MNAT1: variants seen among roughly 807,000 people sequenced by gnomAD.
The protein encoded by MNAT1 is MNAT1 component of CDK activating kinase, also known as CDK-activating kinase assembly factor MAT1.
MNAT1 carries 43 observed loss-of-function variants against 42.0 expected under a neutral mutation model. The observed-to-expected ratio is 1.02, with a 90% CI of 0.80 to 1.32. The LOEUF is 1.32. MNAT1 is among the 40% of genes most tolerant of loss of function. The pLI is 0.00. For missense variants in MNAT1, 306 were observed against 350.4 expected (o/e 0.87, Z 1.01); for synonymous variants, 118 against 120.0 (o/e 0.98, Z 0.11).
At chr14:60,860,994 T>C (rs2034082150) in intron 6 of MNAT1, among the ~76,000 whole-genome samples, 1 of 152,196 alleles carries the variant, frequency 6.6e-6, no homozygotes, top group African/African-American at 2.4e-5. Context: ...GCCTTAGGCA[T>C]TTAAAAAATA....
chr14:60,848,735 A>G (rs545084978), intron 6 of MNAT1, among the ~76,000 whole-genome samples: 1 of 152,172 alleles, frequency 6.6e-6, no homozygotes, highest in Non-Finnish European at 1.5e-5. Flanking sequence ...AAACACATAT[A>G]AAAATAAGGC....
At chr14:60,866,384 A>C (rs562466410) in intron 6 of MNAT1, among the ~76,000 whole-genome samples, 1 of 150,114 alleles carries the variant, frequency 6.7e-6, no homozygotes, top group Non-Finnish European at 1.5e-5. Context: ...GCTGTGTTGA[A>C]CTAAGTCAGT....
intron 6 of MNAT1, among the ~76,000 whole-genome samples, chr14:60,871,780 G>A (rs1449086870): frequency 5.3e-5 from 8 of 151,738 alleles, no homozygotes; most frequent in African/African-American, 9.7e-5. Flanking sequence ...CGGCTACCAC[G>A]CCCAGCTAAT....
At chr14:60,820,840 C>T (rs1044254252) in intron 6 of MNAT1, among the ~76,000 whole-genome samples, 2 of 152,098 alleles carry the variant, frequency 1.3e-5, no homozygotes, top group African/African-American at 4.8e-5. Flanking sequence ...TTACTATCTT[C>T]CTATGTCTTC....
chr14:60,911,797 G>T (rs1005796210), intron 7 of MNAT1, among the ~76,000 whole-genome samples: 11 of 152,236 alleles, frequency 7.2e-5, no homozygotes, highest in Admixed American at 7.2e-4. Flanking sequence ...TGTATATTCT[G>T]GTGATTTGGG....
chr14:60,771,261 A>G (rs2031043692), intron 1 of MNAT1, among the ~76,000 whole-genome samples: 1 of 152,062 alleles, frequency 6.6e-6, no homozygotes, highest in Non-Finnish European at 1.5e-5. Flanking sequence ...TCAGATGTGA[A>G]GTGGCATTTT....
chr14:60,964,793 T>C (rs1229286416), intron 7 of MNAT1, among the ~76,000 whole-genome samples: 4 of 152,204 alleles, frequency 2.6e-5, no homozygotes, highest in African/African-American at 9.6e-5. Flanking sequence ...GTAATGGTCA[T>C]GAAAGAATAA....
chr14:60,917,629 T>A (rs1594870906), intron 7 of MNAT1, among the ~76,000 whole-genome samples: 1 of 150,256 alleles, frequency 6.7e-6, no homozygotes, highest in Non-Finnish European at 1.5e-5. Context: ...TTGTTTCTTT[T>A]TTGTTTTTTT....
At chr14:60,744,346 G>C (rs573072337) in intron 1 of MNAT1, among the ~76,000 whole-genome samples, 12 of 152,114 alleles carry the variant, frequency 7.9e-5, no homozygotes, top group African/African-American at 2.9e-4. Flanking sequence ...TGGCCAGGCT[G>C]GTCCCAAGCT....
rs142636289 is a variant in MNAT1, at chr14:60,899,838, T to G, written c.809+20003T>G. ...TATCAATGCTGTTTTTCCAACAGCATGTACTCACCTCATGTCTGTTTTTCA... is the reference window on the plus strand; with the variant it reads ...TATCAATGCTGTTTTTCCAACAGCAGGTACTCACCTCATGTCTGTTTTTCA... On this transcript the variant is annotated intron_variant, in intron 7 of 7. Transcript: ENST00000261245. 4.6e-3 allele frequency among the ~76,000 whole-genome samples: 708 copies of G among 152,316 alleles called. 4 individuals are homozygous for G. Among genetic ancestry groups the G allele is most frequent in the African/African-American group, 0.016 (674 of 41,574 alleles).
intron 1 of MNAT1, among the ~76,000 whole-genome samples, chr14:60,776,028 C>T (rs956907913): frequency 1.3e-5 from 2 of 152,160 alleles, no homozygotes; most frequent in Non-Finnish European, 2.9e-5. Flanking sequence ...TTTAGCTGCT[C>T]AGATACAGTC....
rs538324895 is a variant in MNAT1, at chr14:60,860,243, A to G, written c.688-19471A>G. Among the ~76,000 whole-genome samples, 8 of 152,144 alleles carry G rather than the reference A, an allele frequency of 5.3e-5. No homozygotes were observed. In the South Asian group the frequency reaches 1.7e-3, roughly 32 times the overall value. On this transcript the variant is annotated intron_variant, in intron 6 of 7. Transcript: ENST00000261245. Reference sequence around the variant, plus strand: ...CCTGCTTCTCTTCCTGTTGATGATGATGATGAAGTAATAATAGTGGGTAGC... The same window carrying G: ...CCTGCTTCTCTTCCTGTTGATGATGGTGATGAAGTAATAATAGTGGGTAGC...
At chr14:60,741,193 T>C (rs964948186) in intron 1 of MNAT1, among the ~76,000 whole-genome samples, 1 of 152,190 alleles carries the variant, frequency 6.6e-6, no homozygotes, top group African/African-American at 2.4e-5. Flanking sequence ...TATTTGATAG[T>C]GTGCATTTTT....
At chr14:60,894,239 C>A (rs1303105843) in intron 7 of MNAT1, among the ~76,000 whole-genome samples, 1 of 151,494 alleles carries the variant, frequency 6.6e-6, no homozygotes, top group Admixed American at 6.6e-5. Flanking sequence ...TCCATTGGCA[C>A]CCAATCTTTG....
At chr14:60,753,508 G>T (rs2030194113) in intron 1 of MNAT1, 2 of 152,132 alleles carry the variant, frequency 1.3e-5, no homozygotes, top group Non-Finnish European at 2.9e-5. Flanking sequence ...CTCTCCTAAG[G>T]ATTTCTTCAG....
At chr14:60,822,005 T>C (rs554966754) in intron 6 of MNAT1, among the ~76,000 whole-genome samples, 2 of 152,346 alleles carry the variant, frequency 1.3e-5, no homozygotes, top group Non-Finnish European at 2.9e-5. Flanking sequence ...CACTCTATCA[T>C]ATTTTTACAT....
intron 1 of MNAT1, chr14:60,753,993 G>A (rs930446536): frequency 6.6e-5 from 10 of 152,144 alleles, no homozygotes; most frequent in African/African-American, 2.4e-4. Context: ...CAGTTTATGT[G>A]TCGTCAGCAG....
chr14:60,877,141 A>T (rs1050999535), intron 6 of MNAT1, among the ~76,000 whole-genome samples: 6 of 152,056 alleles, frequency 3.9e-5, no homozygotes, highest in African/African-American at 1.2e-4. Context: ...TTAAATAGCC[A>T]TGGGTGTGAA....
At chr14:60,861,497 C>T (rs2034093628) in intron 6 of MNAT1, among the ~76,000 whole-genome samples, 1 of 151,524 alleles carries the variant, frequency 6.6e-6, no homozygotes, top group Non-Finnish European at 1.5e-5. Context: ...GCTCCCAATG[C>T]CTAAAATCAT....
Sources: gnomAD v4.1 joint callset for allele counts (sites outside exome capture counted in the v4.1 genomes callset) on GRCh38, gnomAD v4.1.1 for gene constraint, MANE v1.5 for transcripts, NCBI Gene and HGNC (gene_info 2026-07-23, HGNC 2026-07-21) for gene names.